The following APPBP2 variants were observed in gnomAD, a reference collection of about 807,000 sequenced individuals.
The protein encoded by APPBP2 is amyloid protein-binding protein 2.
Under a neutral mutation model 76.0 loss-of-function variants are expected in APPBP2, and 15 were observed. The ratio of observed to expected loss-of-function variants is 0.20; its 90% CI spans 0.13 to 0.30. The LOEUF (loss-of-function observed/expected upper bound fraction) is 0.30, where lower values mean the gene tolerates loss of function less well. APPBP2 is among the 10% of genes least tolerant of loss of function. The pLI is 1.00. For synonymous variants in APPBP2, 222 were observed against 242.2 expected (o/e 0.92, Z 0.77); for missense variants, 401 against 687.2 (o/e 0.58, Z 4.66).
chr17:60,518,503 CGTGT>C (rs146968316), intron 1 of APPBP2, among the ~76,000 whole-genome samples: 2 of 134,194 alleles, frequency 1.5e-5, no homozygotes, highest in African/African-American at 3.2e-5. Flanking sequence ...CATGCCCAGC[CGTGT>C]GTGTGTGTGT....
chr17:60,482,074 T>G (rs561463539), intron 3 of APPBP2, among the ~76,000 whole-genome samples: 1 of 152,098 alleles, frequency 6.6e-6, no homozygotes, highest in Non-Finnish European at 1.5e-5. Context: ...TAGAGACGGG[T>G]TTCTCCATGT....
intron 2 of APPBP2, among the ~76,000 whole-genome samples, chr17:60,497,164 A>G (rs1178473057): frequency 6.6e-6 from 1 of 152,222 alleles, no homozygotes; most frequent in Admixed American, 6.5e-5. Flanking sequence ...ATGGTGTACT[A>G]TTTGGCCATA....
intron 12 of APPBP2, among the ~76,000 whole-genome samples, chr17:60,451,304 T>C (rs2090393260): frequency 1.3e-5 from 2 of 152,118 alleles, no homozygotes; most frequent in Non-Finnish European, 2.9e-5. Flanking sequence ...ATAACTACTT[T>C]TGCCTACACA....
At chr17:60,522,814 T>C (rs1275198094) in intron 1 of APPBP2, among the ~76,000 whole-genome samples, 1 of 152,002 alleles carries the variant, frequency 6.6e-6, no homozygotes, top group Admixed American at 6.6e-5. Context: ...CCTCATTCTC[T>C]TGGTTTCTGC....
intron 9 of APPBP2, 132 bp downstream of exon 9, chr17:60,460,531 C>T (rs2090468914): frequency 1.1e-6 from 1 of 938,896 alleles, no homozygotes; most frequent in South Asian, 2.6e-5. Context: ...GATAAAGCTC[C>T]AGGAAGACAA....
chr17:60,495,788 A>G (rs2090771464), intron 2 of APPBP2, among the ~76,000 whole-genome samples: 1 of 152,194 alleles, frequency 6.6e-6, no homozygotes, highest in South Asian at 2.1e-4. Flanking sequence ...CCCTAGGTAT[A>G]TACTCAAGAG....
intron 1 of APPBP2, among the ~76,000 whole-genome samples, chr17:60,501,184 C>T (rs1034622696): frequency 4.0e-5 from 6 of 151,718 alleles, no homozygotes; most frequent in African/African-American, 1.5e-4. Flanking sequence ...TGGTGGCATG[C>T]ACCTGTAGTC....
At chr17:60,509,921 A>C (rs1250564113) in intron 1 of APPBP2, among the ~76,000 whole-genome samples, 2 of 152,218 alleles carry the variant, frequency 1.3e-5, no homozygotes, top group African/African-American at 4.8e-5. Flanking sequence ...CAGAATCGAT[A>C]ATTGTTAAAG....
At chr17:60,509,328 G>A (rs1385507710) in intron 1 of APPBP2, among the ~76,000 whole-genome samples, 1 of 151,600 alleles carries the variant, frequency 6.6e-6, no homozygotes, top group Non-Finnish European at 1.5e-5. Context: ...GTAGTGAGCC[G>A]AGATTGCGCC....
chr17:60,521,926 T>C (rs1214786797), intron 1 of APPBP2, among the ~76,000 whole-genome samples: 2 of 152,206 alleles, frequency 1.3e-5, no homozygotes, highest in Non-Finnish European at 2.9e-5. Flanking sequence ...GTGTTACAAC[T>C]GCCTACGGTA....
chr17:60,495,856 A>G (rs1452375221), intron 2 of APPBP2, among the ~76,000 whole-genome samples: 4 of 152,192 alleles, frequency 2.6e-5, no homozygotes, highest in African/African-American at 9.6e-5. Flanking sequence ...AGCATTATTC[A>G]TAATAGCCAA....
At chr17:60,489,889 G>A (rs1190195103) in intron 3 of APPBP2, among the ~76,000 whole-genome samples, 1 of 152,086 alleles carries the variant, frequency 6.6e-6, no homozygotes, top group Non-Finnish European at 1.5e-5. Context: ...ACAAAAATTA[G>A]TTGGGTGTGG....
chr17:60,463,982 A>G, intron 6 of APPBP2, 39 bp downstream of exon 6: 1 of 1,409,664 alleles, frequency 7.1e-7, no homozygotes, highest in Non-Finnish European at 9.8e-7. Flanking sequence ...AGCCTGATAA[A>G]TCCTATAATT....
chr17:60,502,437 A>C (rs1204138392), intron 1 of APPBP2, among the ~76,000 whole-genome samples: 1 of 152,232 alleles, frequency 6.6e-6, no homozygotes, highest in Non-Finnish European at 1.5e-5. Flanking sequence ...GATTTGCGAC[A>C]CAACAGTTAC....
intron 1 of APPBP2, among the ~76,000 whole-genome samples, chr17:60,507,915 G>A (rs568504032): frequency 2.0e-5 from 3 of 151,782 alleles, no homozygotes; most frequent in African/African-American, 7.2e-5. Flanking sequence ...AACCTCCCAA[G>A]TAGCTACAAC....
chr17:60,466,518 G>T, intron 4 of APPBP2, 59 bp from the exon 5 acceptor site: 1 of 1,499,446 alleles, frequency 6.7e-7, no homozygotes, highest in South Asian at 1.2e-5. Flanking sequence ...TAGACCTGAT[G>T]ACCTCTTACC....
chr17:60,487,340 T>A (rs1411218368), intron 3 of APPBP2, among the ~76,000 whole-genome samples: 2 of 152,168 alleles, frequency 1.3e-5, no homozygotes, highest in South Asian at 2.1e-4. Flanking sequence ...CAATCAAACG[T>A]AGATTTGGTA....
intron 1 of APPBP2, among the ~76,000 whole-genome samples, chr17:60,509,873 A>G (rs1361714821): frequency 6.6e-6 from 1 of 152,200 alleles, no homozygotes; most frequent in African/African-American, 2.4e-5. Flanking sequence ...ATGAAAGGGG[A>G]AAGTGAATGG....
At chr17:60,454,655 AGTACACTTTTT>A (rs1164460108) in intron 10 of APPBP2, among the ~76,000 whole-genome samples, 163 bp from the exon 11 acceptor site, 1 of 152,236 alleles carries the variant, frequency 6.6e-6, no homozygotes, top group African/African-American at 2.4e-5. Context: ...TTAACAAAAA[AGTACACTTTTT>A]GGTGGTCATT....
Sources: allele counts gnomAD v4.1 joint callset (sites outside exome capture counted in the v4.1 genomes callset), GRCh38; gene constraint gnomAD v4.1.1; transcripts MANE v1.5; gene names NCBI Gene and HGNC (gene_info 2026-07-23, HGNC 2026-07-21).